The following ABHD2 variants were observed in gnomAD, a reference collection of about 807,000 sequenced individuals.
ABHD2 encodes abhydrolase domain containing 2, acylglycerol lipase.
ABHD2 carries 20 observed loss-of-function variants against 48.1 expected under a neutral mutation model. The ratio of observed to expected loss-of-function variants is 0.42; its 90% CI spans 0.29 to 0.60. ABHD2 has a LOEUF of 0.60. ABHD2 is among the 20% of genes least tolerant of loss of function. ABHD2 has a pLI of 0.24. For missense variants in ABHD2, 405 were observed against 550.9 expected, an observed-to-expected ratio of 0.74 and a Z score of 2.65; for synonymous variants, 209 against 214.2, an observed-to-expected ratio of 0.98 and a Z score of 0.21.
chr15:89,165,077 G>A (rs180743376), intron 5 of ABHD2, among the ~76,000 whole-genome samples: 4 of 152,332 alleles, frequency 2.6e-5, no homozygotes, highest in East Asian at 3.9e-4. Flanking sequence ...TTACAGCTCT[G>A]TGTACAGGGA....
intron 6 of ABHD2, among the ~76,000 whole-genome samples, chr15:89,178,007 A>G (rs2051044585): frequency 6.6e-6 from 1 of 152,204 alleles, no homozygotes; most frequent in African/African-American, 2.4e-5. Context: ...GAAGCTAGAA[A>G]ACTAAAATCT....
At chr15:89,133,471 C>T (rs2050252265) in intron 3 of ABHD2, among the ~76,000 whole-genome samples, 1 of 152,172 alleles carries the variant, frequency 6.6e-6, no homozygotes, top group Admixed American at 6.5e-5. Flanking sequence ...TCAAGCCTCT[C>T]CACACCAGCA....
intron 5 of ABHD2, among the ~76,000 whole-genome samples, chr15:89,171,312 G>A (rs545236449): frequency 1.3e-5 from 2 of 152,122 alleles, no homozygotes; most frequent in Non-Finnish European, 2.9e-5. Flanking sequence ...TTGAGTTTCT[G>A]ATTCCGTGGG....
At chr15:89,154,947 CTT>C (rs1031333482) in intron 4 of ABHD2, among the ~76,000 whole-genome samples, 1 of 152,190 alleles carries the variant, frequency 6.6e-6, no homozygotes, top group Non-Finnish European at 1.5e-5. Context: ...GCAAACACCA[CTT>C]TTTATCTTCT....
At chr15:89,180,204 C>T (rs1366806229) in intron 6 of ABHD2, among the ~76,000 whole-genome samples, 2 of 152,168 alleles carry the variant, frequency 1.3e-5, no homozygotes, top group African/African-American at 4.8e-5. Context: ...AGCTTTTCCA[C>T]CACTGGGTTG....
Position 89,116,320 on chromosome 15 carries a change from A to G in ABHD2, c.-6-2A>G. On this transcript the variant is annotated splice_acceptor_variant, in intron 2 of 10. Transcript: ENST00000352732. LOFTEE classifies it low-confidence loss of function (5UTR_SPLICE). This position sits in a 1 kb window ranked among gnomAD's most constrained non-coding sequence, Gnocchi z 4.6. ...ACTTAGACCTGTGCCTCTGCTCCCC[A>G]GATCAAGATGAATGCCATGCTGGAG... is the stretch of plus-strand genomic sequence containing the variant. The G allele has an allele frequency of 6.2e-7, 1 of 1,612,062 alleles. No homozygotes were observed. The highest frequency in any genetic ancestry group is 8.5e-7 in the Non-Finnish European group (1 of 1,178,620).
At position 89,164,960 on chromosome 15, in the gene ABHD2, A is replaced by G. The variant is rs753699204; in HGVS notation, c.538+9426A>G. The stretch of plus-strand genomic sequence containing the variant: ...GTTAAATGACCTTACCTCTGCATCC[A>G]GTTCATACAGTTGACCTCATGTGAA... On this transcript the variant is annotated intron_variant, in intron 5 of 10. Coordinates refer to ENST00000352732, the MANE Select transcript of ABHD2 (RefSeq NM_152924.5). The surrounding 1 kb of genome is among the most constrained non-coding windows in gnomAD (Gnocchi z 5.0). Among the ~76,000 whole-genome samples the G allele has an allele frequency of 8.3e-4, 126 of 152,382 alleles. No individual in the cohort carries two copies. The highest frequency in any genetic ancestry group is 1.4e-3 in the Non-Finnish European group (95 of 68,032).
rs1406212608 is a variant in ABHD2, at chr15:89,168,934, A to T, written c.539-6878A>T. 2.0e-5 allele frequency among the ~76,000 whole-genome samples: 3 copies of T among 152,094 alleles called. No individual in the cohort carries two copies. The highest frequency in any genetic ancestry group is 7.2e-5 in the African/African-American group (3 of 41,418). On this transcript the variant is annotated intron_variant, in intron 5 of 10. Coordinates refer to ENST00000352732, the MANE Select transcript of ABHD2 (RefSeq NM_152924.5). The surrounding 1 kb of genome is among the most constrained non-coding windows in gnomAD (Gnocchi z 4.8). ...GGCAAGTTCGCCCATCTCTACAAAA[A>T]ATCAGAAATTAGCTGGGTTTGGTGG...
chr15:89,048,271 G>T, the ABHD2 span, among the ~76,000 whole-genome samples: 1 of 152,278 alleles, frequency 6.6e-6, no homozygotes, highest in East Asian at 1.9e-4. Context: ...GAGATCCGCT[G>T]TTAGTCTGAT....
Position 89,201,836 on chromosome 15 carries a change from TCG to T in ABHD2, c.*6415_*6416del. On this transcript the variant is annotated 3_prime_UTR_variant, in exon 11 of 11. Transcript: ENST00000352732. ...CAGCGCAGAGCAGGGGGCGGCTTGC[TCG>T]CTGGGGGCGGGGGACGATGGCGAGA... 1 of 1,086,986 alleles carries T rather than the reference TCG, an allele frequency of 9.2e-7. No individual in the cohort carries two copies. Among genetic ancestry groups the T allele is most frequent in the South Asian group, 1.3e-5 (1 of 78,226 alleles). 67.3% of individuals were successfully genotyped at this position (1,086,986 alleles called of 1,614,324 possible).
In ABHD2 at chr15:89,201,825, GGGC is replaced by G; in HGVS notation, c.*6406_*6408del. 1 of 1,218,436 alleles carries G rather than the reference GGGC, an allele frequency of 8.2e-7. No homozygotes were observed. Among genetic ancestry groups the G allele is most frequent in the Admixed American group, 1.8e-5 (1 of 56,050 alleles). 75.5% of individuals were successfully genotyped at this position (1,218,436 alleles called of 1,614,324 possible). A position where few individuals can be genotyped will look rare whatever the true frequency, so the allele number is the denominator to read the frequency against. On this transcript the variant is annotated 3_prime_UTR_variant, in exon 11 of 11. Transcript: ENST00000352732. ...CATTGGAGAGACAGCGCAGAGCAGG[GGGC>G]GGCTTGCTCGCTGGGGGCGGGGGAC...
At chr15:89,058,113 C>T in the ABHD2 span, among the ~76,000 whole-genome samples, 1 of 152,156 alleles carries the variant, frequency 6.6e-6, no homozygotes, top group Non-Finnish European at 1.5e-5. Flanking sequence ...CATCCTTCCG[C>T]CTTGAGGTAG....
the ABHD2 span, among the ~76,000 whole-genome samples, chr15:89,073,581 T>A: frequency 6.6e-6 from 1 of 151,896 alleles, no homozygotes; most frequent in Non-Finnish European, 1.5e-5. Flanking sequence ...ACAGGGAATC[T>A]GTAGTTTTCT....
At chr15:89,153,368 CTG>C (rs1297076019) in intron 4 of ABHD2, among the ~76,000 whole-genome samples, 1 of 152,340 alleles carries the variant, frequency 6.6e-6, no homozygotes, top group African/African-American at 2.4e-5. Flanking sequence ...GGAGTTCACA[CTG>C]TGTTTATAAA....
At chr15:89,067,503 G>T in the ABHD2 span, among the ~76,000 whole-genome samples, 1 of 152,102 alleles carries the variant, frequency 6.6e-6, no homozygotes, top group Non-Finnish European at 1.5e-5. Context: ...AGCCACAAGG[G>T]GTTTTATGCC....
Position 89,187,696 on chromosome 15 carries a change from A to C in ABHD2, c.816-497A>C, listed in dbSNP as rs532475052. Among the ~76,000 whole-genome samples, 105 of 152,318 alleles carry C rather than the reference A, an allele frequency of 6.9e-4. 1 individual carries two copies. Among genetic ancestry groups the C allele is most frequent in the African/African-American group, 2.3e-3 (97 of 41,566 alleles). On this transcript the variant is annotated intron_variant, in intron 7 of 10. Coordinates refer to ENST00000352732, the MANE Select transcript of ABHD2 (RefSeq NM_152924.5). ...ATAGATGTTAGCTTTTATCTAAGAC[A>C]CTAGAGAGCTGTTGGTTTGCCCAAA... is the stretch of plus-strand genomic sequence containing the variant.
intron 5 of ABHD2, among the ~76,000 whole-genome samples, chr15:89,165,976 C>G (rs1254510744): frequency 1.3e-5 from 2 of 152,166 alleles, no homozygotes; most frequent in African/African-American, 4.8e-5. Context: ...ATCCACTAGC[C>G]AAAGAATAAA....
At chr15:89,105,991 T>C (rs1294557591) in intron 1 of ABHD2, among the ~76,000 whole-genome samples, 3 of 152,198 alleles carry the variant, frequency 2.0e-5, no homozygotes, top group Non-Finnish European at 4.4e-5. Flanking sequence ...TGTAAGCCAC[T>C]GTGCCCAGCC....
At position 89,128,060 on chromosome 15, in the gene ABHD2, C is replaced by G. The variant is rs976460170; in HGVS notation, c.194+11539C>G. Among the ~76,000 whole-genome samples, 6 of 152,198 alleles carry G rather than the reference C, an allele frequency of 3.9e-5. No individual in the cohort carries two copies. In the South Asian group the frequency reaches 1.0e-3, roughly 26 times the overall value. ...GGACAGAGACTGTCTTAAAAATTCT[C>G]TGTCTTCCCTGTGGTTGCTGCTTCT... On this transcript the variant is annotated intron_variant, in intron 3 of 10. Coordinates refer to ENST00000352732, the MANE Select transcript of ABHD2 (RefSeq NM_152924.5).
Sources: allele counts gnomAD v4.1 joint callset (sites outside exome capture counted in the v4.1 genomes callset), GRCh38; gene constraint gnomAD v4.1.1; non-coding constraint Gnocchi (gnomAD v3.1); transcripts MANE v1.5; gene names NCBI Gene and HGNC (gene_info 2026-07-23, HGNC 2026-07-21).